The following C2orf49 variants were observed in gnomAD, a reference collection of about 807,000 sequenced individuals.
C2orf49 encodes tRNA-splicing ligase complex subunit ASW.
In C2orf49, 11 loss-of-function variants were observed where a neutral mutation model predicts 20.6. The observed-to-expected ratio is 0.53, with a 90% CI of 0.34 to 0.88. The LOEUF is 0.88. Among genes scored for constraint, C2orf49 ranks in the 40% least tolerant of loss-of-function variants. C2orf49 has a pLI of 0.02. For missense variants in C2orf49, 289 were observed against 274.2 expected (o/e 1.05, Z -0.38); for synonymous variants, 134 against 108.5 (o/e 1.24, Z -1.46).
the C2orf49 span, chr2:105,367,567 T>C: frequency 6.2e-7 from 1 of 1,609,936 alleles, no homozygotes; most frequent in Admixed American, 1.7e-5. Context: ...GCATCTGAGA[T>C]ACCTTTTTGC....
downstream of C2orf49, among the ~76,000 whole-genome samples, chr2:105,352,915 G>A (rs188751994): frequency 2.1e-3 from 317 of 152,188 alleles, 3 homozygotes; most frequent in African/African-American, 7.1e-3. Context: ...CAAACAACTG[G>A]ATTTTTCTTG....
chr2:105,352,424 T>C (rs886588639), downstream of C2orf49, among the ~76,000 whole-genome samples: 2 of 126,666 alleles, frequency 1.6e-5, no homozygotes, highest in Non-Finnish European at 3.2e-5. Context: ...CTTTTGTTTG[T>C]TTGGGTTTTT....
intron 2 of C2orf49, among the ~76,000 whole-genome samples, chr2:105,341,932 T>C (rs995908865): frequency 4.6e-5 from 7 of 152,202 alleles, no homozygotes; most frequent in African/African-American, 1.4e-4. Flanking sequence ...AATCCCAGCA[T>C]GTTGGGAGGC....
chr2:105,383,429 C>T, the C2orf49 span, among the ~76,000 whole-genome samples: 1 of 152,160 alleles, frequency 6.6e-6, no homozygotes, highest in Non-Finnish European at 1.5e-5. Flanking sequence ...CCCAGAGTAA[C>T]TTAATAGAAA....
At chr2:105,344,253 C>T (rs1679750853) in intron 3 of C2orf49, among the ~76,000 whole-genome samples, 1 of 152,136 alleles carries the variant, frequency 6.6e-6, no homozygotes, top group Non-Finnish European at 1.5e-5. Context: ...ACTTTGGAGG[C>T]CATGCTTCGT....
intron 1 of C2orf49, among the ~76,000 whole-genome samples, chr2:105,338,770 G>A (rs528497130): frequency 1.3e-5 from 2 of 152,268 alleles, no homozygotes; most frequent in South Asian, 2.1e-4. Flanking sequence ...TAGGCTTGTC[G>A]GTGGTACTAA....
At chr2:105,350,027 A>C (rs528026684), downstream of C2orf49, among the ~76,000 whole-genome samples, 265 of 152,282 alleles carry the variant, frequency 1.7e-3, 1 homozygote, top group African/African-American at 6.2e-3. Context: ...AGGCATACCC[A>C]CTGGAAATAC....
the C2orf49 span, among the ~76,000 whole-genome samples, chr2:105,384,112 C>T: frequency 6.6e-6 from 1 of 152,152 alleles, no homozygotes; most frequent in Admixed American, 6.5e-5. Context: ...TTATTTCAGC[C>T]ACTGGTCAGG....
rs762030680 is a variant in C2orf49 at position 105,337,540 on chromosome 2, C to T, written c.-48C>T. The T allele has an allele frequency of 9.9e-6, 16 of 1,611,926 alleles. No homozygotes were observed. Among genetic ancestry groups the T allele is most frequent in the Non-Finnish European group, 1.4e-5 (16 of 1,179,546 alleles). On this transcript the variant is annotated 5_prime_UTR_variant, in exon 1 of 4. Coordinates refer to ENST00000258457, the MANE Select transcript of C2orf49 (RefSeq NM_024093.3). ...GAGTACGTCACTTCCGCAACGCTTCCTTCGCGGGGCTTTGTGGGTAGCCGA... is the reference window on the plus strand; with the variant it reads ...GAGTACGTCACTTCCGCAACGCTTCTTTCGCGGGGCTTTGTGGGTAGCCGA...
rs1679797957 is a variant in C2orf49 at position 105,345,887 on chromosome 2, T to A, written c.*516T>A. On this transcript the variant is annotated 3_prime_UTR_variant, in exon 4 of 4. Coordinates refer to ENST00000258457, the MANE Select transcript of C2orf49 (RefSeq NM_024093.3). ...CTGAGACAGGAGAATCGCTTGAACC[T>A]GAGAGGCGGAGGTTGCGGGGAGCCA... is the stretch of plus-strand genomic sequence containing the variant. 1 of 152,456 alleles carries A rather than the reference T, an allele frequency of 6.6e-6. No homozygotes were observed. The allele number at this position is 152,456 out of a possible 1,614,324, so 9.4% of individuals were successfully genotyped here. A position where few individuals can be genotyped will look rare whatever the true frequency, so the allele number is the denominator to read the frequency against.
the C2orf49 span, among the ~76,000 whole-genome samples, chr2:105,355,033 A>G: frequency 6.6e-6 from 1 of 152,218 alleles, no homozygotes; most frequent in Non-Finnish European, 1.5e-5. Context: ...TGCTCTGTTG[A>G]AACTCAGCTG....
chr2:105,337,593 G>T lies in C2orf49; in HGVS notation c.6G>T (p.Ala2=). The change falls in exon 1 of 4, where the codon GCG becomes GCT. Residue 2 remains alanine (A), a synonymous_variant. Transcript: ENST00000258457. Reference sequence around the variant, plus strand: ...GGGGTCTCCTGGCGACGACCATGGCGGGGGATGTGGGCGGTCGCAGCTGCA... The same window carrying T: ...GGGGTCTCCTGGCGACGACCATGGCTGGGGATGTGGGCGGTCGCAGCTGCA... M[A]GDVGGRSCTD... is the part of the protein sequence containing the mutation. 6.2e-7 allele frequency: 1 copy of T among 1,613,316 alleles called. No individual in the cohort carries two copies. The highest frequency in any genetic ancestry group is 8.5e-7 in the Non-Finnish European group (1 of 1,179,958).
the C2orf49 span, chr2:105,377,845 CCTTG>C: frequency 2.8e-6 from 1 of 352,932 alleles, no homozygotes; most frequent in South Asian, 2.2e-5. Context: ...GGGAGGAGAT[CCTTG>C]GCCTCTCTCT....
downstream of C2orf49, among the ~76,000 whole-genome samples, chr2:105,352,449 T>TTTTC (rs1553412745): frequency 5.6e-5 from 6 of 107,900 alleles, no homozygotes; most frequent in African/African-American, 1.8e-4. Flanking sequence ...TTTTTTTTTT[T>TTTTC]TCGTTTTTTT....
At chr2:105,357,597 C>T in the C2orf49 span, 1 of 152,132 alleles carries the variant, frequency 6.6e-6, no homozygotes, top group Non-Finnish European at 1.5e-5. Context: ...CTCTAGATTA[C>T]TTATAATAAT....
chr2:105,364,705 TTA>T, the C2orf49 span, among the ~76,000 whole-genome samples: 72 of 152,332 alleles, frequency 4.7e-4, 2 homozygotes, highest in South Asian at 0.015. Flanking sequence ...TTTTTGCTTT[TTA>T]TTTTTTGAAC....
the C2orf49 span, among the ~76,000 whole-genome samples, chr2:105,368,230 G>C: frequency 6.6e-6 from 1 of 152,212 alleles, no homozygotes; most frequent in African/African-American, 2.4e-5. Flanking sequence ...TCAGTGAGCA[G>C]CCTCTACAAC....
At chr2:105,354,583 C>T in the C2orf49 span, among the ~76,000 whole-genome samples, 2 of 151,898 alleles carry the variant, frequency 1.3e-5, no homozygotes, top group East Asian at 3.9e-4. Flanking sequence ...AAAGACTCAA[C>T]TGAACCCTGG....
At chr2:105,370,279 G>GT in the C2orf49 span, among the ~76,000 whole-genome samples, 1 of 152,096 alleles carries the variant, frequency 6.6e-6, no homozygotes, top group African/African-American at 2.4e-5. Flanking sequence ...GGAGGCTGAG[G>GT]TGGGAGGATC....
Sources: allele counts gnomAD v4.1 joint callset (sites outside exome capture counted in the v4.1 genomes callset), GRCh38; gene constraint gnomAD v4.1.1; transcripts MANE v1.5; gene names NCBI Gene and HGNC (gene_info 2026-07-23, HGNC 2026-07-21).